The following STIM1 variants were observed in gnomAD, a reference collection of about 807,000 sequenced individuals.
STIM1 encodes stromal interaction molecule 1.
A neutral mutation model predicts 74.7 loss-of-function variants in STIM1; 25 were observed. That is an observed-to-expected ratio of 0.33 (90% CI 0.24 to 0.47). STIM1 has a LOEUF of 0.47. STIM1 is among the 20% of genes least tolerant of loss of function. The probability of loss-of-function intolerance (pLI) is 1.00; values close to 1 mark genes in which losing one functional copy is unlikely to be tolerated. For synonymous variants in STIM1, 328 were observed against 348.8 expected, an observed-to-expected ratio of 0.94 and a Z score of 0.66; for missense variants, 728 against 920.8, an observed-to-expected ratio of 0.79 and a Z score of 2.71.
intron 2 of STIM1, among the ~76,000 whole-genome samples, chr11:3,979,687 C>T (rs866221903): frequency 4.6e-5 from 7 of 152,176 alleles, no homozygotes; most frequent in Middle Eastern, 3.2e-3. Flanking sequence ...CAACCCCTCA[C>T]CTCAGCCTCC....
chr11:4,044,695 G>A (rs74707306), intron 3 of STIM1, among the ~76,000 whole-genome samples: 1 of 152,150 alleles, frequency 6.6e-6, no homozygotes, highest in South Asian at 2.1e-4. Context: ...TTGAGGTTTG[G>A]TCTGACATGC....
At chr11:4,004,886 A>G (rs1349267252) in intron 2 of STIM1, among the ~76,000 whole-genome samples, 2 of 152,226 alleles carry the variant, frequency 1.3e-5, no homozygotes, top group Non-Finnish European at 2.9e-5. Context: ...AAACAAACTT[A>G]CAAGAAAAAA....
chr11:4,087,932 A>G (rs2094503004), intron 12 of STIM1, among the ~76,000 whole-genome samples: 2 of 151,754 alleles, frequency 1.3e-5, no homozygotes, highest in Non-Finnish European at 2.9e-5. Flanking sequence ...TAGGTGGGGC[A>G]GGAATTAAAA....
chr11:4,071,925 T>C (rs2133170692), intron 6 of STIM1, among the ~76,000 whole-genome samples: 1 of 152,318 alleles, frequency 6.6e-6, no homozygotes, highest in African/African-American at 2.4e-5. Context: ...GCTGGGCTTC[T>C]AGGGAGCAAG....
At chr11:3,953,922 A>G (rs1181851723) in intron 1 of STIM1, among the ~76,000 whole-genome samples, 2 of 151,714 alleles carry the variant, frequency 1.3e-5, no homozygotes, top group Non-Finnish European at 2.9e-5. Flanking sequence ...AGCTGGCACC[A>G]TAGGTGTGTG....
chr11:4,048,259 T>A (rs1212070717), intron 3 of STIM1, among the ~76,000 whole-genome samples: 2 of 152,248 alleles, frequency 1.3e-5, no homozygotes, highest in East Asian at 3.8e-4. Flanking sequence ...AATGTACAAA[T>A]TCCTTTTAAG....
chr11:3,961,672 C>A (rs2093287159), intron 1 of STIM1: 1 of 152,014 alleles, frequency 6.6e-6, no homozygotes, highest in Non-Finnish European at 1.5e-5. Context: ...CCACACCTGG[C>A]TAATTTTTGT....
chr11:3,994,497 G>A (rs752840406), intron 2 of STIM1, among the ~76,000 whole-genome samples: 4 of 127,566 alleles, frequency 3.1e-5, no homozygotes, highest in Non-Finnish European at 6.3e-5. Flanking sequence ...GTCTCACTCT[G>A]TCACCCAGGC....
At chr11:4,035,279 T>TC (rs1192116979) in intron 3 of STIM1, among the ~76,000 whole-genome samples, 2 of 151,776 alleles carry the variant, frequency 1.3e-5, no homozygotes, top group African/African-American at 4.8e-5. Flanking sequence ...TTTTTTTTTT[T>TC]TTCCTCTTTT....
chr11:3,887,200 A>G (rs1022783208), intron 1 of STIM1, among the ~76,000 whole-genome samples: 4 of 152,180 alleles, frequency 2.6e-5, no homozygotes, highest in African/African-American at 9.6e-5. Flanking sequence ...AGAGGGCAGC[A>G]TGCACTGGGT....
At chr11:4,030,093 C>T (rs990570158) in intron 3 of STIM1, among the ~76,000 whole-genome samples, 1 of 152,130 alleles carries the variant, frequency 6.6e-6, no homozygotes, top group Non-Finnish European at 1.5e-5. Context: ...TTTTGAGAGG[C>T]TGAGGCGGGT....
chr11:3,983,298 A>G (rs1273372099), intron 2 of STIM1, among the ~76,000 whole-genome samples: 1 of 152,178 alleles, frequency 6.6e-6, no homozygotes, highest in East Asian at 1.9e-4. Context: ...AGTCTGAAGT[A>G]CCATGGTTGC....
chr11:4,011,787 A>G (rs2093839029), intron 2 of STIM1, among the ~76,000 whole-genome samples: 1 of 152,136 alleles, frequency 6.6e-6, no homozygotes, highest in Admixed American at 6.6e-5. Context: ...TTTAGTCATG[A>G]AGTCTTTGCC....
chr11:3,997,968 G>A (rs991152948), intron 2 of STIM1, among the ~76,000 whole-genome samples: 19 of 152,166 alleles, frequency 1.2e-4, no homozygotes, highest in African/African-American at 4.6e-4. Flanking sequence ...TATATAGCAA[G>A]CACTTAGAAA....
chr11:3,924,013 A>G (rs1036181285), intron 1 of STIM1, among the ~76,000 whole-genome samples: 2 of 151,644 alleles, frequency 1.3e-5, no homozygotes, highest in African/African-American at 4.8e-5. Flanking sequence ...TTATTTATTT[A>G]TTTTTTAAAT....
intron 7 of STIM1, among the ~76,000 whole-genome samples, chr11:4,079,570 T>G (rs2133208857): frequency 6.6e-6 from 1 of 150,424 alleles, no homozygotes; most frequent in East Asian, 1.9e-4. Flanking sequence ...CAAGACTCCA[T>G]CTCAAAAAAA....
chr11:3,866,106 C>G (rs1180350222), intron 1 of STIM1, among the ~76,000 whole-genome samples: 1 of 152,166 alleles, frequency 6.6e-6, no homozygotes, highest in Non-Finnish European at 1.5e-5. Context: ...CCCCAGACCA[C>G]TTTACTCACT....
chr11:3,895,876 C>A (rs2092145747), intron 1 of STIM1, among the ~76,000 whole-genome samples: 1 of 116,688 alleles, frequency 8.6e-6, no homozygotes, highest in South Asian at 2.7e-4. Flanking sequence ...TCTTTCTTTT[C>A]TTTTCTTTCT....
chr11:4,012,815 G>T (rs1360596699), intron 2 of STIM1, among the ~76,000 whole-genome samples: 2 of 152,160 alleles, frequency 1.3e-5, no homozygotes, highest in Non-Finnish European at 2.9e-5. Context: ...TTTTCAAAGG[G>T]TATGTTTCCA....
Sources: allele counts gnomAD v4.1 joint callset (sites outside exome capture counted in the v4.1 genomes callset), GRCh38; gene constraint gnomAD v4.1.1; transcripts MANE v1.5; gene names NCBI Gene and HGNC (gene_info 2026-07-23, HGNC 2026-07-21).